MALRD1: variants seen among roughly 807,000 people sequenced by gnomAD.
The protein encoded by MALRD1 is MAM and LDL-receptor class A domain-containing protein 1.
Under a neutral mutation model 242.1 loss-of-function variants are expected in MALRD1, and 247 were observed. That is an observed-to-expected ratio of 1.02 (90% confidence interval 0.92 to 1.13). The LOEUF is 1.13. Among genes scored for constraint, MALRD1 ranks in the 50% most tolerant of loss-of-function variants. MALRD1 has a pLI of 0.00. For synonymous variants in MALRD1, 995 were observed against 866.6 expected, an observed-to-expected ratio of 1.15 and a Z score of -2.60; for missense variants, 2,989 against 2,533.1, an observed-to-expected ratio of 1.18 and a Z score of -3.86.
intron 18 of MALRD1, among the ~76,000 whole-genome samples, chr10:19,235,609 A>AGAGAGC (rs745431081): frequency 1.5e-5 from 2 of 136,488 alleles, no homozygotes; most frequent in African/African-American, 5.3e-5. Flanking sequence ...AGAGAGAGAG[A>AGAGAGC]GAGAGCGCCT....
At chr10:19,200,645 G>GTTTTT (rs71387053) in intron 14 of MALRD1, among the ~76,000 whole-genome samples, 3 of 69,450 alleles carry the variant, frequency 4.3e-5, no homozygotes, top group African/African-American at 1.8e-4. Flanking sequence ...CCTGCTTGAG[G>GTTTTT]TTTTTTTTTT....
chr10:19,177,102 C>A (rs1835291861), intron 14 of MALRD1, among the ~76,000 whole-genome samples: 2 of 151,834 alleles, frequency 1.3e-5, no homozygotes, highest in African/African-American at 4.8e-5. Context: ...CATGGTGAAA[C>A]CCCATCTCTA....
rs975802265 is a variant in MALRD1 at position 19,165,708 on chromosome 10, C to T, written c.1728C>T (p.Asn576=). 2 of 1,231,670 alleles carry T rather than the reference C, an allele frequency of 1.6e-6. No homozygotes were observed. Among genetic ancestry groups the T allele is most frequent in the Non-Finnish European group, 2.0e-6 (2 of 987,946 alleles). The allele number at this position is 1,231,670 out of a possible 1,614,324, so 76.3% of individuals were successfully genotyped here. ...TTACAAGAACGTCTCTAGATGGAAA[C>T]TTGCAAAAGCAGGGCAAAATAATCA... The part of the protein sequence containing the change: ...SVFTRTSLDG[N]LQKQGKIIRF... The change falls in exon 13 of 40, where the codon AAC becomes AAT. Residue 576 remains asparagine, a synonymous_variant. Coordinates refer to ENST00000454679, the MANE Select transcript of MALRD1 (RefSeq NM_001142308.3).
intron 28 of MALRD1, among the ~76,000 whole-genome samples, chr10:19,392,160 T>A (rs1335012103): frequency 2.0e-5 from 3 of 152,170 alleles, no homozygotes; most frequent in African/African-American, 7.2e-5. Flanking sequence ...TAGAACACCA[T>A]CACTTATATT....
At chr10:19,580,526 G>T (rs907988045) in intron 33 of MALRD1, among the ~76,000 whole-genome samples, 1 of 152,068 alleles carries the variant, frequency 6.6e-6, no homozygotes, top group Non-Finnish European at 1.5e-5. Context: ...TCTTTTATTA[G>T]TGAGTAGCTT....
rs35948766 is a variant in MALRD1, at chr10:19,108,387, C to CTTTTTTTTTTTTTT, written c.694+4337_694+4350dup. Among the ~76,000 whole-genome samples the CTTTTTTTTTTTTTT allele has an allele frequency of 8.1e-4, 16 of 19,764 alleles. 8 individuals carry two copies. Among genetic ancestry groups the CTTTTTTTTTTTTTT allele is most frequent in the Admixed American group, 1.3e-3 (2 of 1,486 alleles). The allele number at this position is 19,764 out of a possible 152,430, so 13.0% of individuals were successfully genotyped here. A position where few individuals can be genotyped will look rare whatever the true frequency, so the allele number is the denominator to read the frequency against. ...TTATTGAGCTCATGAATTGTTTTTT[C>CTTTTTTTTTTTTTT]TTTTTTTTTTTTTTTTTTTTTTTTT... On this transcript the variant is annotated intron_variant, in intron 5 of 39. Transcript: ENST00000454679.
In MALRD1 at chr10:19,423,604, A is replaced by G. The variant is rs562812281; in HGVS notation, c.4846-26703A>G. On this transcript the variant is annotated intron_variant, in intron 28 of 39. Transcript: ENST00000454679. ...TGAGTGTCTATAGAAGAATGTAGGC[A>G]CATGGAGAGGTTCCCGTGGCAGGTC... is the stretch of plus-strand genomic sequence containing the variant. Among the ~76,000 whole-genome samples, 10 of 152,266 alleles carry G rather than the reference A, an allele frequency of 6.6e-5. No homozygotes were observed. In the South Asian group the frequency reaches 1.9e-3, roughly 28 times the overall value.
In MALRD1 at chr10:19,398,981, C is replaced by T. The variant is rs150600179; in HGVS notation, c.4845+9372C>T. 2.9e-3 allele frequency among the ~76,000 whole-genome samples: 434 copies of T among 152,142 alleles called. 1 individual carries two copies. Among genetic ancestry groups the T allele is most frequent in the African/African-American group, 9.9e-3 (409 of 41,498 alleles). ...GTCAGCAACTTCCATACTGGCTGCT[C>T]GTGAATTAATATAGTGAGAGATTTG... On this transcript the variant is annotated intron_variant, in intron 28 of 39. Transcript: ENST00000454679.
chr10:19,433,764 G>A (rs1282456411), intron 28 of MALRD1, among the ~76,000 whole-genome samples: 2 of 152,090 alleles, frequency 1.3e-5, no homozygotes, highest in Admixed American at 6.6e-5. Flanking sequence ...CATGGGAACT[G>A]TGACCACTGT....
At chr10:19,063,567 G>T (rs944454277) in intron 1 of MALRD1, among the ~76,000 whole-genome samples, 1 of 152,082 alleles carries the variant, frequency 6.6e-6, no homozygotes, top group Non-Finnish European at 1.5e-5. Flanking sequence ...ATAGTTTACT[G>T]AGAATGATGA....
chr10:19,691,694 G>A (rs1842826939), intron 36 of MALRD1, among the ~76,000 whole-genome samples: 1 of 152,084 alleles, frequency 6.6e-6, no homozygotes, highest in African/African-American at 2.4e-5. Flanking sequence ...AGTGTTAAAA[G>A]TTTCATCATG....
At chr10:19,299,872 A>G (rs1479880968) in intron 21 of MALRD1, among the ~76,000 whole-genome samples, 6 of 151,984 alleles carry the variant, frequency 3.9e-5, no homozygotes, top group African/African-American at 1.2e-4. Flanking sequence ...AGCCAGGGCA[A>G]TCAATCAAGA....
intron 14 of MALRD1, among the ~76,000 whole-genome samples, chr10:19,177,197 G>A (rs887480136): frequency 4.6e-5 from 7 of 151,214 alleles, no homozygotes; most frequent in South Asian, 2.1e-4. Flanking sequence ...GGAGAATGGC[G>A]TGAACCGAAG....
intron 21 of MALRD1, among the ~76,000 whole-genome samples, chr10:19,305,129 T>C (rs1842108509): frequency 6.6e-6 from 1 of 151,644 alleles, no homozygotes; most frequent in South Asian, 2.1e-4. Flanking sequence ...GCAAAAGTAA[T>C]TGTGGTTTTT....
rs142908854 is a variant in MALRD1 at position 19,529,782 on chromosome 10, A to G, written c.5321-1412A>G. Reference sequence around the variant, plus strand: ...AAAATAAAGGCATGGAGAAACATATACCATGCTAACATTAATCAAAAGAAT... The same window carrying G: ...AAAATAAAGGCATGGAGAAACATATGCCATGCTAACATTAATCAAAAGAAT... On this transcript the variant is annotated intron_variant, in intron 31 of 39. Coordinates refer to ENST00000454679, the MANE Select transcript of MALRD1 (RefSeq NM_001142308.3). Among the ~76,000 whole-genome samples, 12 of 152,220 alleles carry G rather than the reference A, an allele frequency of 7.9e-5. No individual in the cohort carries two copies. The East Asian group carries it at 1.9e-3, about 24-fold the overall frequency.
chr10:19,302,090 A>G (rs72782347), intron 21 of MALRD1, among the ~76,000 whole-genome samples: 3,563 of 151,934 alleles, frequency 0.023, 52 homozygotes, highest in Non-Finnish European at 0.035. Context: ...GGATGGCAAT[A>G]AGAATGAGGA....
At chr10:19,575,353 T>G (rs1315369159) in intron 33 of MALRD1, among the ~76,000 whole-genome samples, 4 of 152,018 alleles carry the variant, frequency 2.6e-5, no homozygotes, top group Non-Finnish European at 5.9e-5. Flanking sequence ...TCACTGAAGG[T>G]GATATTAAAA....
intron 29 of MALRD1, among the ~76,000 whole-genome samples, chr10:19,477,866 T>C (rs1836811608): frequency 6.6e-6 from 1 of 152,180 alleles, no homozygotes; most frequent in African/African-American, 2.4e-5. Flanking sequence ...TAACTGGCCT[T>C]CACCATGTTG....
chr10:19,109,503 C>T (rs7099145), intron 5 of MALRD1, among the ~76,000 whole-genome samples: 5,097 of 152,242 alleles, frequency 0.033, 249 homozygotes, highest in African/African-American at 0.12. Flanking sequence ...GCTTGGCCAC[C>T]GGGGTTGCAG....
Sources: allele counts gnomAD v4.1 joint callset (sites outside exome capture counted in the v4.1 genomes callset), GRCh38; gene constraint gnomAD v4.1.1; transcripts MANE v1.5; gene names NCBI Gene and HGNC (gene_info 2026-07-23, HGNC 2026-07-21).